Variants in OGG1 observed in about 807,000 individuals in gnomAD.
OGG1 encodes the protein N-glycosylase/DNA lyase.
A neutral mutation model predicts 42.3 loss-of-function variants in OGG1; 35 were observed. The ratio of observed to expected loss-of-function variants is 0.83; its 90% CI spans 0.63 to 1.10. The LOEUF (loss-of-function observed/expected upper bound fraction) is 1.10, where lower values mean the gene tolerates loss of function less well. OGG1 is among the 50% of genes least tolerant of loss of function. The pLI, the probability that OGG1 is intolerant of heterozygous loss-of-function variation, is 0.00. For synonymous variants in OGG1, 189 were observed against 179.0 expected (o/e 1.06, Z -0.44); for missense variants, 484 against 446.7 (o/e 1.08, Z -0.75).
intron 7 of OGG1, among the ~76,000 whole-genome samples, chr3:9,764,004 A>G (rs2078019115): frequency 1.3e-5 from 2 of 152,118 alleles, no homozygotes; most frequent in South Asian, 2.1e-4. Context: ...ATATATATAT[A>G]TAGTTTTCTG....
At chr3:9,767,637 A>C (rs2078190204), downstream of OGG1, 3 of 1,613,360 alleles carry the variant, frequency 1.9e-6, no homozygotes, top group Non-Finnish European at 2.5e-6. Context: ...TCCCTCAGCC[A>C]TCCAGCACCC....
downstream of OGG1, among the ~76,000 whole-genome samples, chr3:9,790,671 T>G (rs1235946599): frequency 6.6e-6 from 1 of 152,124 alleles, no homozygotes; most frequent in Non-Finnish European, 1.5e-5. Context: ...TCTGAAGTAC[T>G]TACTTAGTGT....
chr3:9,765,854 C>T (rs544213944), exon 8 of OGG1: 2 of 1,614,058 alleles, frequency 1.2e-6, no homozygotes, highest in African/African-American at 2.7e-5. Context: ...TCTGCGTCCT[C>T]TTATCTTCTG....
chr3:9,753,351 CAAAA>C (rs56205013), intron 3 of OGG1, among the ~76,000 whole-genome samples: 11 of 73,074 alleles, frequency 1.5e-4, no homozygotes, highest in South Asian at 8.4e-4. Flanking sequence ...GACTCCGTCT[CAAAA>C]AAAAAAAAAA....
In OGG1 at chr3:9,751,164, C is replaced by T. The variant is rs1439796865; in HGVS notation, c.357C>T (p.His119=). The change falls in exon 2 of 7, where the codon CAC becomes CAT. Residue 119 remains histidine, a synonymous_variant. Transcript: ENST00000344629. ...ACCACTGGGGTTCCGTGGACTCCCA[C>T]TTCCAAGAGGTGGCTCAGAAATTCC... ...LYHHWGSVDS[H]FQEVAQKFQG... The T allele has an allele frequency of 6.2e-7, 1 of 1,614,144 alleles. No homozygotes were observed. Among genetic ancestry groups the T allele is most frequent in the Non-Finnish European group, 8.5e-7 (1 of 1,180,020 alleles).
chr3:9,786,385 T>C (rs2078611945), intron 3 of OGG1, among the ~76,000 whole-genome samples: 1 of 152,154 alleles, frequency 6.6e-6, no homozygotes, highest in African/African-American at 2.4e-5. Context: ...ACCTGCAACA[T>C]GTACCCAGAC....
intron 7 of OGG1, among the ~76,000 whole-genome samples, chr3:9,765,519 A>C (rs888319430): frequency 1.3e-5 from 2 of 152,198 alleles, no homozygotes; most frequent in African/African-American, 2.4e-5. Context: ...TGAACAGTTA[A>C]ACCCCTGTGA....
intron 2 of OGG1, among the ~76,000 whole-genome samples, chr3:9,771,810 CTTTTTT>C (rs5846644): frequency 9.0e-5 from 6 of 66,712 alleles, no homozygotes; most frequent in African/African-American, 3.8e-4. Context: ...TGTACAACTT[CTTTTTT>C]TTTTTTTTTT....
chr3:9,790,612 G>A (rs1308216779), downstream of OGG1, among the ~76,000 whole-genome samples: 1 of 152,170 alleles, frequency 6.6e-6, no homozygotes, highest in African/African-American at 2.4e-5. Context: ...CAAGGCTCAA[G>A]GCATCTTTAT....
chr3:9,761,819 C>CT (rs1014096001), downstream of OGG1: 4 of 1,592,550 alleles, frequency 2.5e-6, no homozygotes, highest in African/African-American at 5.4e-5. Context: ...GTAGAACCTT[C>CT]TGCCGCTCCA....
chr3:9,766,518 C>A, exon 8 of OGG1: 1 of 421,162 alleles, frequency 2.4e-6, no homozygotes, highest in Non-Finnish European at 4.0e-6. Flanking sequence ...AAACTTTAGG[C>A]CCTGCCCCAG....
chr3:9,780,839 C>A (rs1020597997), intron 2 of OGG1, among the ~76,000 whole-genome samples: 1 of 152,156 alleles, frequency 6.6e-6, no homozygotes. Context: ...TAAAACTGCT[C>A]TAGAAGAATA....
downstream of OGG1, chr3:9,757,852 A>G (rs761141321): frequency 6.3e-7 from 1 of 1,597,104 alleles, no homozygotes; most frequent in South Asian, 1.1e-5. The surrounding 1 kb of genome is among the most constrained non-coding windows in gnomAD (Gnocchi z 4.5). Flanking sequence ...GCTTGCTGGC[A>G]TTGAAGGCAT....
In OGG1 at chr3:9,757,325, T is replaced by C. The variant is rs781379309; in HGVS notation, c.*175T>C. 5 of 1,614,000 alleles carry C rather than the reference T, an allele frequency of 3.1e-6. No individual in the cohort carries two copies. Among genetic ancestry groups the C allele is most frequent in the African/African-American group, 1.3e-5 (1 of 74,908 alleles). On this transcript the variant is annotated 3_prime_UTR_variant, in exon 7 of 7. Transcript: ENST00000344629. This position sits in a 1 kb window ranked among gnomAD's most constrained non-coding sequence, Gnocchi z 4.5. ...GCACAACAAGATGGGGTGGGGGATA[T>C]TGAGGGAGACAGCGCTAAGGATGGT...
At chr3:9,760,888 C>A, downstream of OGG1, 1 of 1,424,560 alleles carries the variant, frequency 7.0e-7, no homozygotes, top group Non-Finnish European at 9.5e-7. Flanking sequence ...CCTTTATAAA[C>A]TCTACCAGCC....
chr3:9,784,493 A>T (rs1393147502), intron 3 of OGG1, among the ~76,000 whole-genome samples: 1 of 152,152 alleles, frequency 6.6e-6, no homozygotes, highest in Non-Finnish European at 1.5e-5. Context: ...TATATATTCC[A>T]GATTTTGTTA....
Position 9,757,071 on chromosome 3 carries a change from G to A in OGG1, c.959G>A (p.Ser320Asn), listed in dbSNP as rs1801128. ...YAGWAQAVLF[S>N]ADLRQSRHAQ... ...TCCACCCTCCTACAGGTGCTGTTCA[G>A]TGCCGACCTGCGCCAATCCCGCCAT... The change falls in exon 7 of 7, where the codon AGT (serine) becomes AAT (asparagine). Residue 320 changes from serine to asparagine, a missense_variant. By Grantham distance (46) the Ser-to-Asn change is conservative (BLOSUM62 1). Coordinates refer to ENST00000344629, the MANE Select transcript of OGG1 (RefSeq NM_002542.6). The surrounding 1 kb of genome is among the most constrained non-coding windows in gnomAD (Gnocchi z 4.5). The A allele has an allele frequency of 5.0e-6, 8 of 1,614,080 alleles. No homozygotes were observed. In the African/African-American group the frequency reaches 8.0e-5, roughly 16 times the overall value.
At chr3:9,770,431 A>C (rs2125603177), downstream of OGG1, among the ~76,000 whole-genome samples, 1 of 152,140 alleles carries the variant, frequency 6.6e-6, no homozygotes, top group African/African-American at 2.4e-5. Flanking sequence ...AAGACTAGGC[A>C]ATGAAGAGAG....
At chr3:9,790,504 C>T (rs1559721409), downstream of OGG1, among the ~76,000 whole-genome samples, 1 of 152,240 alleles carries the variant, frequency 6.6e-6, no homozygotes, top group Non-Finnish European at 1.5e-5. Context: ...GAATGACCAT[C>T]ACACCTTGTC....
Sources: gnomAD v4.1 joint callset for allele counts (sites outside exome capture counted in the v4.1 genomes callset) on GRCh38, gnomAD v4.1.1 for gene constraint, Gnocchi (gnomAD v3.1) non-coding constraint, MANE v1.5 for transcripts, NCBI Gene and HGNC (gene_info 2026-07-23, HGNC 2026-07-21) for gene names.